Variants in ESRRG observed in about 807,000 individuals in gnomAD.
The protein encoded by ESRRG is estrogen related receptor gamma.
A neutral mutation model predicts 44.0 loss-of-function variants in ESRRG; 13 were observed. The observed-to-expected ratio is 0.30, with a 90% confidence interval of 0.19 to 0.47. ESRRG has a LOEUF of 0.47. ESRRG is among the 20% of genes least tolerant of loss of function. The pLI is 1.00. For missense variants in ESRRG, 395 were observed against 580.6 expected (o/e 0.68, Z 3.29); for synonymous variants, 215 against 214.6 (o/e 1.00, Z -0.02).
At chr1:216,941,013 G>T (rs1355574662) in intron 1 of ESRRG, among the ~76,000 whole-genome samples, 1 of 152,112 alleles carries the variant, frequency 6.6e-6, no homozygotes, top group East Asian at 1.9e-4. Context: ...ATTTGACAGG[G>T]TCTAGAATCA....
intron 1 of ESRRG, among the ~76,000 whole-genome samples, chr1:217,121,372 T>C (rs949804870): frequency 6.6e-6 from 1 of 152,030 alleles, no homozygotes; most frequent in Non-Finnish European, 1.5e-5. Flanking sequence ...ACTGAAGGGT[T>C]GTAAAAAGGG....
chr1:216,894,344 A>T (rs1210938559), intron 2 of ESRRG, among the ~76,000 whole-genome samples: 1 of 152,096 alleles, frequency 6.6e-6, no homozygotes, highest in East Asian at 1.9e-4. Context: ...TTTGGTCATA[A>T]CTCCCTGAGT....
At chr1:216,839,650 A>AATGG in intron 2 of ESRRG, among the ~76,000 whole-genome samples, 1 of 152,218 alleles carries the variant, frequency 6.6e-6, no homozygotes, top group Non-Finnish European at 1.5e-5. Context: ...GAATGAAACC[A>AATGG]ACATTCATCA....
At chr1:216,942,939 T>C (rs1276630808) in intron 1 of ESRRG, among the ~76,000 whole-genome samples, 3 of 152,220 alleles carry the variant, frequency 2.0e-5, no homozygotes, top group Non-Finnish European at 4.4e-5. Context: ...ATTTTTGTTT[T>C]TGAATAACCA....
intron 2 of ESRRG, among the ~76,000 whole-genome samples, chr1:216,892,488 A>G (rs1201687257): frequency 1.3e-5 from 2 of 152,178 alleles, no homozygotes; most frequent in South Asian, 2.1e-4. Flanking sequence ...ACAAAAAATC[A>G]TATTATGGGG....
intron 1 of ESRRG, among the ~76,000 whole-genome samples, chr1:216,946,176 C>T (rs2066023021): frequency 6.6e-6 from 1 of 152,168 alleles, no homozygotes; most frequent in Admixed American, 6.5e-5. Context: ...AGATCTAATT[C>T]ATCTTTAGGT....
chr1:216,569,190 GGGAAAGGAAA>G (rs55924517), intron 3 of ESRRG, among the ~76,000 whole-genome samples: 765 of 53,668 alleles, frequency 0.014, 13 homozygotes, highest in East Asian at 0.063. Context: ...GGGAAGGGAA[GGGAAAGGAAA>G]GGAAAGGAAA....
At position 216,561,309 on chromosome 1, in the gene ESRRG, T is replaced by A. The variant is rs1319688228; in HGVS notation, c.862+2910A>T. 5.3e-5 allele frequency among the ~76,000 whole-genome samples: 8 copies of A among 152,156 alleles called. No individual in the cohort carries two copies. The South Asian group carries it at 1.0e-3, about 20-fold the overall frequency. On this transcript the variant is annotated intron_variant, in intron 5 of 6. Transcript: ENST00000408911. Reference sequence around the variant, plus strand: ...ATATGTACGTGTATGGGTGTAATTATACAAACCGAGAACAGCATAAAGATA... The same window carrying A: ...ATATGTACGTGTATGGGTGTAATTAAACAAACCGAGAACAGCATAAAGATA...
intron 2 of ESRRG, among the ~76,000 whole-genome samples, chr1:216,904,753 T>A (rs765693117): frequency 6.6e-6 from 1 of 152,190 alleles, no homozygotes; most frequent in Non-Finnish European, 1.5e-5. Context: ...GTCATCTGAA[T>A]TGTATGTGAC....
chr1:216,597,619 A>G (rs1012741212), intron 3 of ESRRG, among the ~76,000 whole-genome samples: 3 of 152,224 alleles, frequency 2.0e-5, no homozygotes, highest in Non-Finnish European at 4.4e-5. Context: ...AGTGACTATC[A>G]TATTAGACAG....
chr1:216,914,097 C>A (rs567210762), intron 2 of ESRRG, among the ~76,000 whole-genome samples: 1 of 151,474 alleles, frequency 6.6e-6, no homozygotes, highest in Non-Finnish European at 1.5e-5. Flanking sequence ...TTAGCTCCCC[C>A]TCCCCCCATC....
intron 2 of ESRRG, among the ~76,000 whole-genome samples, chr1:216,911,974 C>T (rs1041361276): frequency 1.3e-5 from 2 of 151,168 alleles, no homozygotes; most frequent in African/African-American, 4.9e-5. Context: ...ACTCAGGAGG[C>T]TGAGGTGGGA....
At chr1:216,703,608 G>GA (rs2081866831) in intron 1 of ESRRG, among the ~76,000 whole-genome samples, 1 of 151,382 alleles carries the variant, frequency 6.6e-6, no homozygotes, top group Non-Finnish European at 1.5e-5. Flanking sequence ...TAAGTGCAAG[G>GA]AAAAAATAGA....
chr1:216,979,916 C>T (rs1057028483), intron 1 of ESRRG, among the ~76,000 whole-genome samples: 4 of 152,072 alleles, frequency 2.6e-5, no homozygotes, highest in African/African-American at 9.7e-5. Context: ...AAAGTAATTC[C>T]TAAAGCTCCA....
intron 5 of ESRRG, among the ~76,000 whole-genome samples, chr1:216,561,166 T>C (rs1477535200): frequency 3.3e-5 from 5 of 152,206 alleles, no homozygotes; most frequent in Non-Finnish European, 5.9e-5. Context: ...ATGTATTTTC[T>C]TCAATAGCTT....
At chr1:216,921,926 C>G (rs2061895369) in intron 2 of ESRRG, among the ~76,000 whole-genome samples, 1 of 152,144 alleles carries the variant, frequency 6.6e-6, no homozygotes, top group African/African-American at 2.4e-5. Flanking sequence ...CAGTGCCTGG[C>G]ACATGGTAAA....
At chr1:216,882,051 A>G (rs536401759) in intron 2 of ESRRG, among the ~76,000 whole-genome samples, 2 of 151,882 alleles carry the variant, frequency 1.3e-5, no homozygotes, top group South Asian at 4.2e-4. Context: ...ATTGATTCAC[A>G]TAAGCACTCT....
chr1:216,994,887 G>T (rs73099466), intron 1 of ESRRG, among the ~76,000 whole-genome samples: 8,179 of 152,012 alleles, frequency 0.054, 688 homozygotes, highest in African/African-American at 0.18. Flanking sequence ...GCCCGGCCCC[G>T]TCCAACAACT....
intron 2 of ESRRG, among the ~76,000 whole-genome samples, chr1:216,783,587 T>C (rs1252536299): frequency 6.6e-6 from 1 of 152,098 alleles, no homozygotes; most frequent in African/African-American, 2.4e-5. Flanking sequence ...TAGTTGCTTA[T>C]GTATTCGGTT....
Sources: gnomAD v4.1 joint callset for allele counts (sites outside exome capture counted in the v4.1 genomes callset) on GRCh38, gnomAD v4.1.1 for gene constraint, MANE v1.5 for transcripts, NCBI Gene and HGNC (gene_info 2026-07-23, HGNC 2026-07-21) for gene names.